TBC1D1: variants seen among roughly 807,000 people sequenced by gnomAD.
TBC1D1 encodes TBC1 (tre-2/USP6, BUB2, cdc16) domain family, member 1.
TBC1D1 carries 89 observed loss-of-function variants against 125.6 expected under a neutral mutation model. The ratio of observed to expected loss-of-function variants is 0.71; its 90% CI spans 0.60 to 0.85. The LOEUF is 0.85. Ranked by LOEUF, TBC1D1 falls within the 40% of genes least tolerant of loss-of-function variation. TBC1D1 has a pLI of 0.00. For missense variants in TBC1D1, 1,377 were observed against 1,469.2 expected, an observed-to-expected ratio of 0.94 and a Z score of 1.03; for synonymous variants, 565 against 564.1, an observed-to-expected ratio of 1.00 and a Z score of -0.02.
intron 12 of TBC1D1, among the ~76,000 whole-genome samples, chr4:38,065,055 G>A (rs1006398702): frequency 1.3e-5 from 2 of 151,874 alleles, no homozygotes; most frequent in African/African-American, 4.8e-5. Flanking sequence ...CTCAGCCTCC[G>A]GAGTAGCTGG....
intron 12 of TBC1D1, among the ~76,000 whole-genome samples, chr4:38,081,432 C>G (rs1756535381): frequency 6.6e-6 from 1 of 152,098 alleles, no homozygotes. Flanking sequence ...CTGGACACAG[C>G]AAGACGGTGA....
intron 2 of TBC1D1, among the ~76,000 whole-genome samples, chr4:37,935,345 T>C (rs1307994099): frequency 1.3e-5 from 2 of 152,164 alleles, no homozygotes; most frequent in Non-Finnish European, 2.9e-5. Context: ...AAACTGAACA[T>C]GCTCAACTGA....
chr4:37,940,602 A>G (rs1021273659), intron 2 of TBC1D1, among the ~76,000 whole-genome samples: 1 of 152,192 alleles, frequency 6.6e-6, no homozygotes, highest in Non-Finnish European at 1.5e-5. Context: ...GTCTTGTGCC[A>G]GTTTTCAAAG....
chr4:38,083,599 C>T (rs1756950639), intron 12 of TBC1D1, among the ~76,000 whole-genome samples: 1 of 152,194 alleles, frequency 6.6e-6, no homozygotes, highest in Admixed American at 6.5e-5. Context: ...TTAATGCTCA[C>T]AATAATCCTA....
intron 12 of TBC1D1, among the ~76,000 whole-genome samples, chr4:38,059,702 A>C (rs1236693990): frequency 6.6e-6 from 1 of 152,176 alleles, no homozygotes; most frequent in Admixed American, 6.5e-5. Context: ...GGTGTGTTTA[A>C]GATTTGGATT....
At chr4:38,037,783 T>G (rs1747505908) in intron 8 of TBC1D1, among the ~76,000 whole-genome samples, 1 of 152,164 alleles carries the variant, frequency 6.6e-6, no homozygotes, top group Non-Finnish European at 1.5e-5. Flanking sequence ...CCATATGCGC[T>G]TTTCAAAGAC....
At chr4:37,937,662 T>G (rs1724674360) in intron 2 of TBC1D1, among the ~76,000 whole-genome samples, 1 of 152,058 alleles carries the variant, frequency 6.6e-6, no homozygotes, top group Admixed American at 6.5e-5. Flanking sequence ...ACAATAACAA[T>G]TCTTATTGTT....
intron 12 of TBC1D1, among the ~76,000 whole-genome samples, chr4:38,063,032 AGT>A (rs1491204881): frequency 6.6e-6 from 1 of 152,126 alleles, no homozygotes; most frequent in Non-Finnish European, 1.5e-5. Context: ...CTAACTCTAG[AGT>A]GTGTGCCTGT....
intron 2 of TBC1D1, among the ~76,000 whole-genome samples, chr4:37,990,422 T>C (rs1474352913): frequency 6.6e-6 from 1 of 152,128 alleles, no homozygotes; most frequent in Non-Finnish European, 1.5e-5. Context: ...AAAGATTGGA[T>C]ACCCCTGTAT....
intron 2 of TBC1D1, among the ~76,000 whole-genome samples, chr4:37,909,115 G>A (rs1717987271): frequency 6.6e-6 from 1 of 152,136 alleles, no homozygotes; most frequent in African/African-American, 2.4e-5. Context: ...TTTCCTGTAA[G>A]GAACCAGTGT....
intron 7 of TBC1D1, among the ~76,000 whole-genome samples, chr4:38,030,946 T>C (rs1044283432): frequency 6.6e-6 from 1 of 152,236 alleles, no homozygotes; most frequent in Non-Finnish European, 1.5e-5. Context: ...CTGGAGGTTA[T>C]CTCTACTGTA....
chr4:38,076,064 A>G (rs1176655393), intron 12 of TBC1D1, among the ~76,000 whole-genome samples: 2 of 152,164 alleles, frequency 1.3e-5, no homozygotes, highest in African/African-American at 2.4e-5. Flanking sequence ...CCGTTCTCAC[A>G]CTGCTAATAA....
chr4:38,039,052 ACCTTAGATTAGTTTTG>A (rs888293609), intron 8 of TBC1D1, among the ~76,000 whole-genome samples: 38 of 136,950 alleles, frequency 2.8e-4, no homozygotes, highest in Non-Finnish European at 5.5e-4. Context: ...GATTTTTTTC[ACCTTAGATTAGTTTTG>A]CCTGTTCTGG....
chr4:37,975,436 C>G (rs530253542), intron 2 of TBC1D1, among the ~76,000 whole-genome samples: 3 of 152,158 alleles, frequency 2.0e-5, no homozygotes, highest in African/African-American at 7.2e-5. Flanking sequence ...TGGATAACTG[C>G]GGGCAGGCCT....
intron 8 of TBC1D1, among the ~76,000 whole-genome samples, chr4:38,036,567 A>G (rs1310083167): frequency 1.3e-5 from 2 of 152,190 alleles, no homozygotes; most frequent in Non-Finnish European, 2.9e-5. Flanking sequence ...TTGTGTGCTC[A>G]GTGGTGTGCC....
Position 38,068,708 on chromosome 4 carries a change from T to G in TBC1D1, c.2050+14370T>G, listed in dbSNP as rs369658064. Among the ~76,000 whole-genome samples the G allele has an allele frequency of 4.3e-4, 65 of 152,322 alleles. No individual in the cohort carries two copies. In the South Asian group the frequency reaches 0.013, roughly 30 times the overall value. On this transcript the variant is annotated intron_variant, in intron 12 of 19. Transcript: ENST00000261439. ...AAAAATGTAGCCCCTCACATTAGCC[T>G]CATTTCAAGAGCCACATGTGGCTAC...
intron 15 of TBC1D1, among the ~76,000 whole-genome samples, chr4:38,107,588 T>TTG (rs1761547327): frequency 6.9e-6 from 1 of 144,100 alleles, no homozygotes; most frequent in Admixed American, 7.1e-5. Context: ...TTTTTTTTTT[T>TTG]TTTTTTTTTT....
intron 2 of TBC1D1, among the ~76,000 whole-genome samples, chr4:37,975,567 A>G (rs4352485): frequency 0.92 from 140,781 of 152,256 alleles, 65,309 homozygotes; most frequent in African/African-American, 0.98. Flanking sequence ...TGACACTAAC[A>G]CTACCGCTAG....
At chr4:38,069,997 T>A (rs1426614023) in intron 12 of TBC1D1, among the ~76,000 whole-genome samples, 1 of 152,184 alleles carries the variant, frequency 6.6e-6, no homozygotes, top group Non-Finnish European at 1.5e-5. Context: ...TAGGCCATTA[T>A]CTGGGCTGTG....
Sources: allele counts gnomAD v4.1 joint callset (sites outside exome capture counted in the v4.1 genomes callset), GRCh38; gene constraint gnomAD v4.1.1; transcripts MANE v1.5; gene names NCBI Gene and HGNC (gene_info 2026-07-23, HGNC 2026-07-21).